Variants in RPS6KA5 observed in about 807,000 individuals in gnomAD.
RPS6KA5 encodes the protein ribosomal protein S6 kinase alpha-5.
A neutral mutation model predicts 85.5 loss-of-function variants in RPS6KA5; 27 were observed. That is an observed-to-expected ratio of 0.32 (90% confidence interval 0.23 to 0.44). The LOEUF is 0.44. RPS6KA5 is among the 20% of genes least tolerant of loss of function. RPS6KA5 has a pLI of 1.00. For synonymous variants in RPS6KA5, 334 were observed against 348.2 expected (o/e 0.96, Z 0.46); for missense variants, 811 against 980.9 (o/e 0.83, Z 2.31).
chr14:90,882,068 AT>A (rs1355760016), intron 14 of RPS6KA5, among the ~76,000 whole-genome samples: 1 of 152,156 alleles, frequency 6.6e-6, no homozygotes, highest in Non-Finnish European at 1.5e-5. Flanking sequence ...CATATTCTGC[AT>A]TACTGCCTTC....
At chr14:90,911,217 G>A (rs1045353408) in intron 7 of RPS6KA5, 5 of 152,046 alleles carry the variant, frequency 3.3e-5, no homozygotes, top group African/African-American at 4.8e-5. Context: ...TTTATTTCCA[G>A]GGCCTAGAAC....
chr14:90,866,124 A>G lies in RPS6KA5; in HGVS notation c.*5950T>C, dbSNP rs1461181602. On this transcript the variant is annotated 3_prime_UTR_variant, in exon 17 of 17. Transcript: ENST00000614987. ...AATGAGTGTGGACACACCATAGAAA[A>G]GCAGAAAAATACGAGAAAAAGTGCA... The G allele has an allele frequency of 6.6e-6, 1 of 152,174 alleles. No individual in the cohort carries two copies. Among genetic ancestry groups the G allele is most frequent in the East Asian group, 1.9e-4 (1 of 5,192 alleles). The allele number at this position is 152,174 out of a possible 1,614,324, so 9.4% of individuals were successfully genotyped here.
intron 1 of RPS6KA5, among the ~76,000 whole-genome samples, chr14:91,012,619 G>A (rs2041308990): frequency 6.6e-6 from 1 of 152,200 alleles, no homozygotes; most frequent in Non-Finnish European, 1.5e-5. Flanking sequence ...ATTACTGGGA[G>A]AGCTGACCTT....
intron 5 of RPS6KA5, among the ~76,000 whole-genome samples, chr14:90,927,575 G>A (rs2036740961): frequency 6.6e-6 from 1 of 151,962 alleles, no homozygotes; most frequent in African/African-American, 2.4e-5. Context: ...GAGGAGAAAT[G>A]AACTTTAAGG....
At position 90,857,831 on chromosome 14, in the gene RPS6KA5, G is replaced by C. The variant is rs1321306500; in HGVS notation, c.*14243C>G. On this transcript the variant is annotated 3_prime_UTR_variant, in exon 17 of 17. Transcript: ENST00000614987. ...ATAAAAACAGGCTGCAAGTGCCAAA[G>C]TGACACAGATCTTATCTTAAATATT... The C allele has an allele frequency of 6.6e-6, 1 of 152,160 alleles. No individual in the cohort carries two copies. Among genetic ancestry groups the C allele is most frequent in the East Asian group, 1.9e-4 (1 of 5,200 alleles). 9.4% of individuals were successfully genotyped at this position (152,160 alleles called of 1,614,324 possible).
At chr14:90,995,991 T>C (rs2040500587) in intron 2 of RPS6KA5, among the ~76,000 whole-genome samples, 2 of 151,926 alleles carry the variant, frequency 1.3e-5, no homozygotes, top group Admixed American at 1.3e-4. Flanking sequence ...GAGGTGGAAG[T>C]GAAAGGACTG....
chr14:90,898,036 G>A (rs561138785), intron 12 of RPS6KA5, among the ~76,000 whole-genome samples: 247 of 152,262 alleles, frequency 1.6e-3, no homozygotes, highest in Admixed American at 3.1e-3. Flanking sequence ...CTGACTACAA[G>A]AACCAAAGAG....
intron 5 of RPS6KA5, among the ~76,000 whole-genome samples, chr14:90,926,238 T>C (rs959016190): frequency 6.6e-6 from 1 of 151,212 alleles, no homozygotes; most frequent in Non-Finnish European, 1.5e-5. Flanking sequence ...AAATCCTGTC[T>C]CTACTAAAAA....
At chr14:91,011,760 A>C (rs901172927) in intron 1 of RPS6KA5, among the ~76,000 whole-genome samples, 33 of 152,238 alleles carry the variant, frequency 2.2e-4, no homozygotes, top group African/African-American at 7.0e-4. Flanking sequence ...TGAAAAGACG[A>C]ATAGCATAAT....
Position 90,859,266 on chromosome 14 carries a change from AGAG to A in RPS6KA5, c.*12805_*12807del, listed in dbSNP as rs1274921919. ...TGCAAGAAGAAAACATAACCATCTT[AGAG>A]GAAGATAACATCGTTCAAAGCCCCT... On this transcript the variant is annotated 3_prime_UTR_variant, in exon 17 of 17. Coordinates refer to ENST00000614987, the MANE Select transcript of RPS6KA5 (RefSeq NM_004755.4). The A allele has an allele frequency of 5.3e-5, 8 of 152,356 alleles. No homozygotes were observed. Among genetic ancestry groups the A allele is most frequent in the African/African-American group, 1.7e-4 (7 of 41,582 alleles). 9.4% of individuals were successfully genotyped at this position (152,356 alleles called of 1,614,324 possible).
intron 14 of RPS6KA5, among the ~76,000 whole-genome samples, chr14:90,882,346 G>A (rs931414345): frequency 6.6e-6 from 1 of 152,170 alleles, no homozygotes; most frequent in Non-Finnish European, 1.5e-5. Flanking sequence ...AAAACAAACC[G>A]ATAATTCTTT....
intron 3 of RPS6KA5, among the ~76,000 whole-genome samples, chr14:90,954,613 CATGTTAGCCAGGCTGTTCTT>C (rs1292036167): frequency 6.6e-6 from 1 of 152,180 alleles, no homozygotes; most frequent in Non-Finnish European, 1.5e-5. Flanking sequence ...GAGGTTTCAC[CATGTTAGCCAGGCTGTTCTT>C]GAACTCCTGA....
chr14:91,035,537 C>T (rs1428681704), intron 1 of RPS6KA5, among the ~76,000 whole-genome samples: 2 of 151,922 alleles, frequency 1.3e-5, no homozygotes, highest in South Asian at 2.1e-4. Context: ...CTTGGAGAAG[C>T]ACAGCTTGTG....
At chr14:91,047,148 T>C (rs1043929151) in intron 1 of RPS6KA5, among the ~76,000 whole-genome samples, 6 of 152,192 alleles carry the variant, frequency 3.9e-5, no homozygotes, top group Non-Finnish European at 8.8e-5. Context: ...AATGTACTTA[T>C]TTAATTATAT....
At chr14:90,951,504 T>A (rs117425397) in intron 3 of RPS6KA5, among the ~76,000 whole-genome samples, 3,009 of 152,042 alleles carry the variant, frequency 0.02, 44 homozygotes, top group Middle Eastern at 0.041. Context: ...ACAAAAAACC[T>A]GTAGGAAAAC....
chr14:90,983,787 T>TTCTCTCTG (rs2039918146), intron 2 of RPS6KA5, among the ~76,000 whole-genome samples: 1 of 129,334 alleles, frequency 7.7e-6, no homozygotes, highest in Non-Finnish European at 1.6e-5. Flanking sequence ...CTTTCTTTCT[T>TTCTCTCTG]TCTCTCTCTC....
chr14:91,031,585 T>A (rs6575169), intron 1 of RPS6KA5, among the ~76,000 whole-genome samples: 8 of 151,924 alleles, frequency 5.3e-5, no homozygotes, highest in Admixed American at 5.2e-4. Flanking sequence ...ATCTAACCTA[T>A]AGAAAATCAT....
At chr14:90,912,904 C>CTT (rs57029403) in intron 7 of RPS6KA5, among the ~76,000 whole-genome samples, 7,176 of 53,232 alleles carry the variant, frequency 0.13, 492 homozygotes, top group East Asian at 0.28. Flanking sequence ...CATAAAGCAT[C>CTT]TTTTTTTTTT....
intron 14 of RPS6KA5, among the ~76,000 whole-genome samples, chr14:90,881,649 C>T (rs1257910151): frequency 6.6e-6 from 1 of 151,904 alleles, no homozygotes; most frequent in Non-Finnish European, 1.5e-5. Flanking sequence ...TACAGGCACA[C>T]ACCACCACGC....
Sources: gnomAD v4.1 joint callset for allele counts (sites outside exome capture counted in the v4.1 genomes callset) on GRCh38, gnomAD v4.1.1 for gene constraint, MANE v1.5 for transcripts, NCBI Gene and HGNC (gene_info 2026-07-23, HGNC 2026-07-21) for gene names.